PAX9: variants seen among roughly 807,000 people sequenced by gnomAD.
The protein encoded by PAX9 is paired box protein Pax-9.
In PAX9, 6 loss-of-function variants were observed where a neutral mutation model predicts 29.1. That is an observed-to-expected ratio of 0.21 (90% CI 0.11 to 0.41). The LOEUF (loss-of-function observed/expected upper bound fraction) is 0.41. Among genes scored for constraint, PAX9 ranks in the 10% least tolerant of loss-of-function variants. The pLI is 1.00. For missense variants in PAX9, 443 were observed against 479.1 expected (o/e 0.92, Z 0.70); for synonymous variants, 217 against 211.7 (o/e 1.03, Z -0.22).
chr14:36,662,838 C>G lies in PAX9; in HGVS notation c.5-59C>G, dbSNP rs1247047459. On this transcript the variant is annotated intron_variant, in intron 1 of 3. Transcript: ENST00000361487. ...CCGGATGCGTAGGGAGGCCCAGTGG[C>G]AGGCAGCTGTCCCAAGCAGCGGGTG... is the stretch of plus-strand genomic sequence containing the variant. The G allele has an allele frequency of 1.9e-6, 3 of 1,571,486 alleles. No individual in the cohort carries two copies. In the Admixed American group the frequency reaches 5.1e-5, roughly 27 times the overall value.
At chr14:36,668,719 A>C (rs530310981) in intron 3 of PAX9, among the ~76,000 whole-genome samples, 5 of 152,128 alleles carry the variant, frequency 3.3e-5, no homozygotes, top group Non-Finnish European at 7.3e-5. Flanking sequence ...TGAATTATAG[A>C]TCTAACATTG....
intron 2 of PAX9, among the ~76,000 whole-genome samples, chr14:36,665,286 T>A (rs2295218): frequency 0.33 from 50,598 of 151,814 alleles, 8,813 homozygotes; most frequent in East Asian, 0.45. Flanking sequence ...AAGGAGCAAC[T>A]TTTCCTTTCA....
chr14:36,675,846 A>G (rs1331281666), intron 3 of PAX9, among the ~76,000 whole-genome samples: 1 of 152,208 alleles, frequency 6.6e-6, no homozygotes, highest in Admixed American at 6.5e-5. Context: ...GACAAAGGCA[A>G]TGAGGACAGC....
chr14:36,668,755 A>C lies in PAX9; in HGVS notation c.771+2154A>C, dbSNP rs574041519. ...AAATTTGTTTGGAAATGCTTAATTT[A>C]TAATACACTTCAAAACTAAACTGAC... On this transcript the variant is annotated intron_variant, in intron 3 of 3. Transcript: ENST00000361487. Among the ~76,000 whole-genome samples, 6 of 130,094 alleles carry C rather than the reference A, an allele frequency of 4.6e-5. No homozygotes were observed. The South Asian group carries it at 1.1e-3, about 23-fold the overall frequency. 85.3% of individuals were successfully genotyped at this position (130,094 alleles called of 152,430 possible). A position where few individuals can be genotyped will look rare whatever the true frequency, so the allele number is the denominator to read the frequency against.
chr14:36,660,570 C>T (rs927357817), upstream of PAX9, among the ~76,000 whole-genome samples: 4 of 152,150 alleles, frequency 2.6e-5, no homozygotes, highest in African/African-American at 9.7e-5. Context: ...ACTTACTGAC[C>T]TGAGATCTGG....
intron 3 of PAX9, among the ~76,000 whole-genome samples, chr14:36,667,960 T>A (rs1435182336): frequency 6.6e-6 from 1 of 152,250 alleles, no homozygotes; most frequent in African/African-American, 2.4e-5. Context: ...TAATTTTTAG[T>A]CTCTATTTCT....
At chr14:36,671,077 C>A in intron 3 of PAX9, 1 of 435,866 alleles carries the variant, frequency 2.3e-6, no homozygotes, top group African/African-American at 2.0e-5. Context: ...CTTATGATAT[C>A]GAGGTTGAAA....
At chr14:36,662,127 GAAGGGAGGGAGGGAGCGAGCGGGC>G (rs777922949) in intron 1 of PAX9, 34 bp downstream of exon 1, 59 of 1,113,190 alleles carry the variant, frequency 5.3e-5, no homozygotes, top group Middle Eastern at 7.5e-4. Context: ...TCAGAGCCGG[GAAGGGAGGGAGGGAGCGAGCGGGC>G]AAGGGAGGGA....
Position 36,666,603 on chromosome 14 carries a change from TGAG to T in PAX9, c.771+7_771+9del. The T allele has an allele frequency of 6.4e-7, 1 of 1,563,142 alleles. No individual in the cohort carries two copies. The highest frequency in any genetic ancestry group is 8.7e-7 in the Non-Finnish European group (1 of 1,153,406). ...GAGCAGGAAGCCAAGTACGGTCAGG[TGAG>T]GAGGCGAGGGTCAGGCCAGGTGGGC... On this transcript the variant is annotated splice_donor_5th_base_variant and intron_variant, in intron 3 of 3. Coordinates refer to ENST00000361487, the MANE Select transcript of PAX9 (RefSeq NM_001372076.1).
At chr14:36,667,812 A>G (rs1881562742) in intron 3 of PAX9, among the ~76,000 whole-genome samples, 1 of 152,224 alleles carries the variant, frequency 6.6e-6, no homozygotes, top group African/African-American at 2.4e-5. Context: ...AAGAATGTCA[A>G]TGAGAAATGA....
chr14:36,659,323 C>A (rs943850652), upstream of PAX9, among the ~76,000 whole-genome samples: 4 of 152,160 alleles, frequency 2.6e-5, no homozygotes, highest in African/African-American at 9.7e-5. Flanking sequence ...CCTTCATCCT[C>A]TTTCTCTGCC....
chr14:36,673,919 A>C (rs1294260810), intron 3 of PAX9, among the ~76,000 whole-genome samples: 2 of 152,258 alleles, frequency 1.3e-5, no homozygotes, highest in Non-Finnish European at 2.9e-5. Flanking sequence ...CATTGGCATC[A>C]GTAGTATAAA....
upstream of PAX9, among the ~76,000 whole-genome samples, chr14:36,659,393 C>T (rs1001312031): frequency 2.0e-5 from 3 of 152,214 alleles, no homozygotes; most frequent in African/African-American, 7.2e-5. Context: ...CCCTAGCACT[C>T]GGTCCGCGCC....
In PAX9 at chr14:36,677,582, G is replaced by A. The variant is rs771777781; in HGVS notation, c.*1130G>A. ...TTGTCCTATTATTGTTGGCTTACCT[G>A]TGTGTTCAGCAATCTCAGCCCCAAA... On this transcript the variant is annotated 3_prime_UTR_variant, in exon 4 of 4. Coordinates refer to ENST00000361487, the MANE Select transcript of PAX9 (RefSeq NM_001372076.1). The A allele has an allele frequency of 6.6e-6, 1 of 152,186 alleles. No individual in the cohort carries two copies. The highest frequency in any genetic ancestry group is 2.4e-5 in the African/African-American group (1 of 41,436). 9.4% of individuals were successfully genotyped at this position (152,186 alleles called of 1,614,324 possible). A position where few individuals can be genotyped will look rare whatever the true frequency, so the allele number is the denominator to read the frequency against.
chr14:36,666,453 C>T lies in PAX9; in HGVS notation c.632-9C>T. On this transcript the variant is annotated splice_polypyrimidine_tract_variant and intron_variant, in intron 2 of 3. Transcript: ENST00000361487. ...CCTCCGGCCTGACACCCTCTCTTCTCTCCATCAGTGAGCGACAGCTCCCCC... is the reference window on the plus strand; with the variant it reads ...CCTCCGGCCTGACACCCTCTCTTCTTTCCATCAGTGAGCGACAGCTCCCCC... The T allele has an allele frequency of 1.2e-6, 2 of 1,610,118 alleles. No homozygotes were observed. Among genetic ancestry groups the T allele is most frequent in the Admixed American group, 1.7e-5 (1 of 59,778 alleles).
At position 36,662,057 on chromosome 14, in the gene PAX9, A is replaced by T; in HGVS notation, c.-33A>T. 1 of 1,560,944 alleles carries T rather than the reference A, an allele frequency of 6.4e-7. No homozygotes were observed. The highest frequency in any genetic ancestry group is 8.7e-7 in the Non-Finnish European group (1 of 1,153,478). ...GGAAAGTTTCTGTCTGGGAGTGCGGAACTGGGGCCGGGTTGGTGTACTGCT... is the reference window on the plus strand; with the variant it reads ...GGAAAGTTTCTGTCTGGGAGTGCGGTACTGGGGCCGGGTTGGTGTACTGCT... On this transcript the variant is annotated 5_prime_UTR_variant, in exon 1 of 4. Coordinates refer to ENST00000361487, the MANE Select transcript of PAX9 (RefSeq NM_001372076.1).
chr14:36,665,835 T>A (rs893861476), intron 2 of PAX9, among the ~76,000 whole-genome samples: 4 of 152,222 alleles, frequency 2.6e-5, no homozygotes, highest in Non-Finnish European at 4.4e-5. Flanking sequence ...AGGTAGTGTA[T>A]CAAGGGGAGC....
intron 1 of PAX9, chr14:36,662,651 CTCACCACT>C (rs1274795533): frequency 1.8e-6 from 1 of 570,208 alleles, no homozygotes; most frequent in Non-Finnish European, 3.1e-6. Context: ...GGCCCGGCAT[CTCACCACT>C]TTACTTGGCC....
Position 36,663,061 on chromosome 14 carries a change from C to A in PAX9, c.169C>A (p.Leu57Met). The change falls in exon 2 of 4, where the codon CTG becomes ATG. Residue 57 changes from leucine to methionine, a missense_variant. Physicochemically the swap from Leu to Met is conservative, Grantham distance 15. Transcript: ENST00000361487. ...RVSHGCVSKILARYNETGSIL... is the reference protein window; with the variant it reads ...RVSHGCVSKIMARYNETGSIL... ...CTCGCACGGCTGCGTCAGCAAGATC[C>A]TGGCGCGATACAACGAGACGGGCTC... 6.2e-7 allele frequency: 1 copy of A among 1,613,922 alleles called. No homozygotes were observed. The highest frequency in any genetic ancestry group is 8.5e-7 in the Non-Finnish European group (1 of 1,180,030).
Sources: gnomAD v4.1 joint callset for allele counts (sites outside exome capture counted in the v4.1 genomes callset) on GRCh38, gnomAD v4.1.1 for gene constraint, MANE v1.5 for transcripts, NCBI Gene and HGNC (gene_info 2026-07-23, HGNC 2026-07-21) for gene names.